The following RIGI variants were observed in gnomAD, a reference collection of about 807,000 sequenced individuals.
RIGI encodes the protein RNA sensor RIG-I, also known as antiviral innate immune response receptor RIG-I.
chr9:32,524,698 G>C, the RIGI span, among the ~76,000 whole-genome samples: 2,179 of 142,522 alleles, frequency 0.015, 69 homozygotes, highest in African/African-American at 0.056. Flanking sequence ...TGCCTCCCTG[G>C]TTCAAGCGAT....
chr9:32,461,554 A>G, the RIGI span, among the ~76,000 whole-genome samples: 1 of 152,214 alleles, frequency 6.6e-6, no homozygotes, highest in South Asian at 2.1e-4. Flanking sequence ...GTTTCTTTAC[A>G]TACAAAATGG....
chr9:32,481,079 A>G, the RIGI span, among the ~76,000 whole-genome samples: 1 of 152,190 alleles, frequency 6.6e-6, no homozygotes, highest in Non-Finnish European at 1.5e-5. Flanking sequence ...TTTTCCAACC[A>G]TGTCAGTTAA....
the RIGI span, among the ~76,000 whole-genome samples, chr9:32,503,545 G>C: frequency 7.2e-5 from 11 of 152,206 alleles, no homozygotes; most frequent in South Asian, 2.3e-3. Flanking sequence ...ACTGACTAAA[G>C]TACTTACACT....
the RIGI span, among the ~76,000 whole-genome samples, chr9:32,508,239 A>AT: frequency 2.4e-4 from 17 of 70,348 alleles, no homozygotes; most frequent in Middle Eastern, 0.014. Flanking sequence ...TATTTACTTA[A>AT]TTTTTTTTTT....
chr9:32,480,349 A>C, the RIGI span: 1 of 1,585,328 alleles, frequency 6.3e-7, no homozygotes, highest in Non-Finnish European at 8.6e-7. Context: ...GGGCATCATT[A>C]TATTTCTGTT....
At chr9:32,481,832 G>A in the RIGI span, among the ~76,000 whole-genome samples, 4 of 152,222 alleles carry the variant, frequency 2.6e-5, no homozygotes, top group South Asian at 4.1e-4. Flanking sequence ...TGATCCGCCT[G>A]CCTCGGTCTC....
At chr9:32,456,808 C>T in the RIGI span, 1 of 209,820 alleles carries the variant, frequency 4.8e-6, no homozygotes, top group South Asian at 1.3e-4. Context: ...CCCAACATTC[C>T]ATTCATTCAT....
the RIGI span, chr9:32,489,545 G>A: frequency 1.6e-5 from 10 of 616,034 alleles, no homozygotes; most frequent in Admixed American, 2.8e-4. Context: ...TCTGACTCCA[G>A]CAAGAAGATC....
the RIGI span, among the ~76,000 whole-genome samples, chr9:32,524,789 G>C: frequency 6.6e-6 from 1 of 151,820 alleles, no homozygotes; most frequent in South Asian, 2.1e-4. Flanking sequence ...TTTCGGTAGA[G>C]ACGGGGTTTC....
the RIGI span, among the ~76,000 whole-genome samples, chr9:32,499,848 G>A: frequency 6.6e-6 from 1 of 152,110 alleles, no homozygotes; most frequent in Non-Finnish European, 1.5e-5. Flanking sequence ...TCAAACTCCT[G>A]GACTCTAGCA....
the RIGI span, among the ~76,000 whole-genome samples, chr9:32,524,393 G>C: frequency 6.6e-6 from 1 of 152,068 alleles, no homozygotes; most frequent in Non-Finnish European, 1.5e-5. Context: ...TTTCTTCCAA[G>C]TACTTCTTCA....
the RIGI span, among the ~76,000 whole-genome samples, chr9:32,484,136 T>A: frequency 6.6e-6 from 1 of 152,078 alleles, no homozygotes; most frequent in Admixed American, 6.5e-5. Flanking sequence ...AACCTGGGTG[T>A]TCAGGCAGGG....
the RIGI span, chr9:32,488,910 G>C: frequency 6.3e-7 from 1 of 1,578,972 alleles, no homozygotes; most frequent in African/African-American, 1.4e-5. Flanking sequence ...AAGGAAAAAA[G>C]AAAACATGTA....
the RIGI span, among the ~76,000 whole-genome samples, chr9:32,472,516 G>A: frequency 2.0e-5 from 3 of 152,332 alleles, no homozygotes; most frequent in East Asian, 5.8e-4. Flanking sequence ...TTGACTTTAA[G>A]TCAGATCAAA....
chr9:32,492,513 GCCATCATCCCCT>G, the RIGI span: 1 of 1,614,136 alleles, frequency 6.2e-7, no homozygotes, highest in East Asian at 2.2e-5. Context: ...CTCTGCACCT[GCCATCATCCCCT>G]TAGTAGAGCA....
At chr9:32,503,087 G>A in the RIGI span, among the ~76,000 whole-genome samples, 3 of 152,070 alleles carry the variant, frequency 2.0e-5, no homozygotes, top group African/African-American at 2.4e-5. Flanking sequence ...CAATCCTACC[G>A]TATTCCATTG....
chr9:32,504,734 T>A, the RIGI span, among the ~76,000 whole-genome samples: 2 of 140,852 alleles, frequency 1.4e-5, no homozygotes, highest in African/African-American at 5.3e-5. Context: ...ATATATAAAA[T>A]ATATTTAATA....
At chr9:32,488,736 A>G in the RIGI span, 1 of 1,606,042 alleles carries the variant, frequency 6.2e-7, no homozygotes, top group African/African-American at 1.3e-5. Context: ...ATACCTACCC[A>G]TGTCTTTCAA....
chr9:32,491,527 A>G, the RIGI span: 1 of 832,518 alleles, frequency 1.2e-6, no homozygotes, highest in Non-Finnish European at 1.8e-6. Flanking sequence ...AACTTCTATT[A>G]AAATTTCTCA....
Sources: allele counts gnomAD v4.1 joint callset (sites outside exome capture counted in the v4.1 genomes callset), GRCh38; gene constraint gnomAD v4.1.1; transcripts MANE v1.5; gene names NCBI Gene and HGNC (gene_info 2026-07-23, HGNC 2026-07-21).